NAV2: variants seen among roughly 807,000 people sequenced by gnomAD.
The protein encoded by NAV2 is neuron navigator 2.
NAV2 carries 54 observed loss-of-function variants against 223.2 expected under a neutral mutation model. That is an observed-to-expected ratio of 0.24 (90% CI 0.19 to 0.30). NAV2 has a LOEUF of 0.30. NAV2 is among the 10% of genes least tolerant of loss of function. The pLI, the probability that NAV2 is intolerant of heterozygous loss-of-function variation, is 1.00. For synonymous variants in NAV2, 1,279 were observed against 1,239.3 expected (o/e 1.03, Z -0.67); for missense variants, 2,806 against 3,147.5 (o/e 0.89, Z 2.60).
intron 1 of NAV2, among the ~76,000 whole-genome samples, chr11:19,775,539 T>C (rs1293141286): frequency 1.3e-5 from 2 of 152,110 alleles, no homozygotes; most frequent in Admixed American, 6.5e-5. Flanking sequence ...TGGGGAACAG[T>C]AGGGAAACAA....
At chr11:19,746,622 T>C (rs114957974) in intron 1 of NAV2, among the ~76,000 whole-genome samples, 1,716 of 152,270 alleles carry the variant, frequency 0.011, 35 homozygotes, top group African/African-American at 0.039. Context: ...GAAATGGATT[T>C]ATTCCTTTTT....
intron 1 of NAV2, among the ~76,000 whole-genome samples, chr11:19,548,530 G>A (rs1231392799): frequency 1.3e-5 from 2 of 152,166 alleles, no homozygotes; most frequent in Non-Finnish European, 2.9e-5. Flanking sequence ...ACCAAAGCGT[G>A]TGCCCTTGAC....
chr11:20,083,388 T>C (rs546165355), intron 26 of NAV2, among the ~76,000 whole-genome samples: 1 of 152,338 alleles, frequency 6.6e-6, no homozygotes, highest in East Asian at 1.9e-4. Context: ...GGTGTCAATA[T>C]CCATAACTAA....
chr11:19,871,923 T>C (rs1020934099), intron 4 of NAV2, among the ~76,000 whole-genome samples: 4 of 152,086 alleles, frequency 2.6e-5, no homozygotes, highest in African/African-American at 9.7e-5. Flanking sequence ...CTTGCCTCCT[T>C]GGTGAGGGGA....
intron 10 of NAV2, among the ~76,000 whole-genome samples, chr11:19,949,965 T>C (rs1017195252): frequency 1.4e-4 from 22 of 152,280 alleles, no homozygotes; most frequent in African/African-American, 5.3e-4. Context: ...CTAAGGAACC[T>C]TTCAGGTGGA....
At chr11:19,548,307 C>A (rs1005916038) in intron 1 of NAV2, among the ~76,000 whole-genome samples, 1 of 152,156 alleles carries the variant, frequency 6.6e-6, no homozygotes, top group African/African-American at 2.4e-5. Flanking sequence ...CGGTTATTAC[C>A]CTTCACTTGG....
At chr11:20,021,180 T>C (rs906698690) in intron 11 of NAV2, among the ~76,000 whole-genome samples, 1 of 152,216 alleles carries the variant, frequency 6.6e-6, no homozygotes, top group Non-Finnish European at 1.5e-5. Context: ...AATTTACATT[T>C]TGTCTCATTT....
Position 20,039,432 on chromosome 11 carries a change from C to T in NAV2, c.2907+3335C>T, listed in dbSNP as rs528998402. On this transcript the variant is annotated intron_variant, in intron 12 of 37. Coordinates refer to ENST00000349880, the MANE Select transcript of NAV2 (RefSeq NM_145117.5). The stretch of plus-strand genomic sequence containing the variant: ...CCTCCATTTCTCTTATCTCTCCCTC[C>T]CTTCCTCCCTCCTCTCCTTCCCTTC... Among the ~76,000 whole-genome samples, 4 of 152,252 alleles carry T rather than the reference C, an allele frequency of 2.6e-5. No individual in the cohort carries two copies. The East Asian group carries it at 5.8e-4, about 22-fold the overall frequency.
chr11:19,894,985 C>T lies in NAV2; in HGVS notation c.931+2391C>T, dbSNP rs549698573. On this transcript the variant is annotated intron_variant, in intron 6 of 37. Coordinates refer to ENST00000349880, the MANE Select transcript of NAV2 (RefSeq NM_145117.5). ...CCTCAGTTGATCCGCCCGCCTCTGC[C>T]TCCCAATGTGCTGGGATTACAGGCG... Among the ~76,000 whole-genome samples the T allele has an allele frequency of 2.6e-5, 4 of 152,284 alleles. No homozygotes were observed. In the East Asian group the frequency reaches 7.7e-4, roughly 29 times the overall value.
chr11:19,595,178 A>C (rs1411081586), intron 1 of NAV2, among the ~76,000 whole-genome samples: 1 of 152,176 alleles, frequency 6.6e-6, no homozygotes, highest in Admixed American at 6.5e-5. Flanking sequence ...ACCATCTTCC[A>C]GTCCTTATTG....
At chr11:19,357,659 G>C (rs1414462646) in intron 1 of NAV2, among the ~76,000 whole-genome samples, 2 of 152,142 alleles carry the variant, frequency 1.3e-5, no homozygotes, top group Admixed American at 6.5e-5. Context: ...GTTAACTGAA[G>C]GTCACATAAA....
intron 3 of NAV2, among the ~76,000 whole-genome samples, chr11:19,856,421 C>T (rs761466738): frequency 2.0e-5 from 3 of 152,198 alleles, no homozygotes; most frequent in Non-Finnish European, 4.4e-5. Flanking sequence ...GAATTTGAAA[C>T]TGTTGGCCAA....
At chr11:19,349,824 C>T (rs943663787), upstream of NAV2, among the ~76,000 whole-genome samples, 1 of 152,118 alleles carries the variant, frequency 6.6e-6, no homozygotes, top group African/African-American at 2.4e-5. Flanking sequence ...CCTGTCCCTC[C>T]GAGCTTCTGT....
At chr11:20,105,950 G>A (rs1212981480) in intron 35 of NAV2, among the ~76,000 whole-genome samples, 3 of 95,472 alleles carry the variant, frequency 3.1e-5, no homozygotes, top group Non-Finnish European at 8.8e-5. Flanking sequence ...AGAAACTGCT[G>A]GCTCACTAAA....
chr11:19,955,601 G>A (rs1454563790), intron 10 of NAV2, among the ~76,000 whole-genome samples: 1 of 152,112 alleles, frequency 6.6e-6, no homozygotes, highest in African/African-American at 2.4e-5. Context: ...GAGAACTAGG[G>A]GCATTTGCCA....
At chr11:19,636,254 T>C (rs912082556) in intron 1 of NAV2, among the ~76,000 whole-genome samples, 1 of 152,182 alleles carries the variant, frequency 6.6e-6, no homozygotes, top group Non-Finnish European at 1.5e-5. Context: ...AGAGAAGCAA[T>C]GACTTGCCCC....
intron 1 of NAV2, among the ~76,000 whole-genome samples, chr11:19,685,739 C>A (rs537204503): frequency 9.7e-4 from 147 of 152,092 alleles, no homozygotes; most frequent in African/African-American, 3.4e-3. Context: ...ATTGGGTAAA[C>A]CTCCCTCCCT....
At chr11:19,672,683 A>G (rs1464661537) in intron 1 of NAV2, among the ~76,000 whole-genome samples, 2 of 152,140 alleles carry the variant, frequency 1.3e-5, no homozygotes, top group Admixed American at 6.5e-5. Flanking sequence ...GAGAGAGGAC[A>G]TGGGGAAGGA....
chr11:19,774,840 A>G (rs7125626), intron 1 of NAV2, among the ~76,000 whole-genome samples: 51,705 of 151,890 alleles, frequency 0.34, 8,997 homozygotes, highest in African/African-American at 0.38. Context: ...ACACCTTCCC[A>G]TCTCTCCTTG....
Sources: gnomAD v4.1 joint callset for allele counts (sites outside exome capture counted in the v4.1 genomes callset) on GRCh38, gnomAD v4.1.1 for gene constraint, MANE v1.5 for transcripts, NCBI Gene and HGNC (gene_info 2026-07-23, HGNC 2026-07-21) for gene names.